PUS3: variants seen among roughly 807,000 people sequenced by gnomAD.
PUS3 encodes the protein tRNA pseudouridine(38/39) synthase.
PUS3 carries 36 observed loss-of-function variants against 43.3 expected under a neutral mutation model. The ratio of observed to expected loss-of-function variants is 0.83; its 90% CI spans 0.64 to 1.10. The LOEUF (loss-of-function observed/expected upper bound fraction) is 1.10, where lower values mean the gene tolerates loss of function less well. PUS3 is among the 50% of genes least tolerant of loss of function. The pLI is 0.00. For missense variants in PUS3, 544 were observed against 589.9 expected (o/e 0.92, Z 0.81); for synonymous variants, 183 against 199.2 (o/e 0.92, Z 0.69).
At chr11:125,895,847 T>C in intron 2 of PUS3, 58 bp from the exon 3 acceptor site, 1 of 1,586,146 alleles carries the variant, frequency 6.3e-7, no homozygotes, top group Non-Finnish European at 8.6e-7. Context: ...CAGTACTCAG[T>C]GTGTATACCT....
chr11:125,900,279 A>G (rs1234097821), intron 1 of PUS3: 1 of 1,613,330 alleles, frequency 6.2e-7, no homozygotes, highest in South Asian at 1.1e-5. Context: ...ATCTTTTTAA[A>G]CTTCTTTCAC....
chr11:125,896,781 AC>A (rs1354370305), intron 1 of PUS3, among the ~76,000 whole-genome samples: 3 of 152,188 alleles, frequency 2.0e-5, no homozygotes, highest in Non-Finnish European at 4.4e-5. Flanking sequence ...CAAATAAATG[AC>A]TTGTATGCTC....
rs1944481707 is a variant in PUS3, at chr11:125,893,775, T to C, written c.*10A>G. On this transcript the variant is annotated 3_prime_UTR_variant, in exon 4 of 4. Transcript: ENST00000227474. Reference sequence around the variant, plus strand: ...TAGGTGGTTCCTAGATCCTGGCAAATTGTCTATGGTTAAATGATGCTTTTA... The same window carrying C: ...TAGGTGGTTCCTAGATCCTGGCAAACTGTCTATGGTTAAATGATGCTTTTA... 8 of 1,582,464 alleles carry C rather than the reference T, an allele frequency of 5.1e-6. No homozygotes were observed. Among genetic ancestry groups the C allele is most frequent in the Non-Finnish European group, 6.9e-6 (8 of 1,163,218 alleles).
At chr11:125,900,595 T>G (rs1314001300) in intron 1 of PUS3, 2 of 337,706 alleles carry the variant, frequency 5.9e-6, no homozygotes, top group South Asian at 3.0e-5. Flanking sequence ...CAGTGTGTGT[T>G]TTTTAAGTTG....
At chr11:125,895,811 C>G in intron 2 of PUS3, 22 bp from the exon 3 acceptor site, 1 of 1,583,720 alleles carries the variant, frequency 6.3e-7, no homozygotes, top group South Asian at 1.2e-5. Flanking sequence ...GACAAAGATA[C>G]TGGGTTTTAG....
In PUS3 at chr11:125,893,870, T is replaced by C. The variant is rs201997946; in HGVS notation, c.1361A>G (p.Asn454Ser). 2.8e-5 allele frequency: 45 copies of C among 1,614,076 alleles called. No homozygotes were observed. The African/African-American group carries it at 5.5e-4, about 20-fold the overall frequency. The change falls in exon 4 of 4, where the codon AAT becomes AGT. Residue 454 changes from asparagine (N) to serine (S), a missense_variant. Asn to Ser is a conservative substitution (Grantham distance 46). Transcript: ENST00000227474. ...EEETKAKRDC[N>S]DTLEEENTNL... Reference sequence around the variant, plus strand: ...AGTATTCTCTTCCTCTAGTGTGTCATTACAGTCCCTTTTGGCTTTTGTTTC... The same window carrying C: ...AGTATTCTCTTCCTCTAGTGTGTCACTACAGTCCCTTTTGGCTTTTGTTTC...
chr11:125,897,390 A>G (rs1454071330), intron 1 of PUS3, among the ~76,000 whole-genome samples: 1 of 152,102 alleles, frequency 6.6e-6, no homozygotes, highest in African/African-American at 2.4e-5. Flanking sequence ...GATGTGACCT[A>G]AAAGGAAAAA....
intron 1 of PUS3, chr11:125,899,159 G>C: frequency 1.8e-6 from 1 of 566,662 alleles, no homozygotes; most frequent in Non-Finnish European, 3.1e-6. Flanking sequence ...ATGAAAGCAG[G>C]TAATAGATTC....
In PUS3 at chr11:125,895,656, T is replaced by C. The variant is rs1394251592; in HGVS notation, c.512A>G (p.Asp171Gly). 6.2e-7 allele frequency: 1 copy of C among 1,614,082 alleles called. No homozygotes were observed. Among genetic ancestry groups the C allele is most frequent in the Admixed American group, 1.7e-5 (1 of 60,004 alleles). Residue 171 changes from aspartate (D) to glycine (G), a missense_variant, in exon 3 of 4, where the codon GAC becomes GGC. Physicochemically the swap from Asp to Gly is moderately conservative, Grantham distance 94. Transcript: ENST00000227474. The part of the protein sequence containing the change: ...THILNRVLPP[D>G]IRILAWAPVE... ...AGGGGCCCAGGCCAATATACGGATG[T>C]CTGGAGGGAGTACCCGATTGAGAAT...
intron 1 of PUS3, chr11:125,900,382 A>ACTT: frequency 2.1e-6 from 2 of 967,176 alleles, no homozygotes; most frequent in Non-Finnish European, 3.2e-6. Flanking sequence ...TATGGTAAGG[A>ACTT]CTTCACCTAT....
chr11:125,896,448 C>T (rs1401006538), intron 1 of PUS3, 118 bp from the exon 2 acceptor site: 3 of 672,528 alleles, frequency 4.5e-6, no homozygotes, highest in East Asian at 5.5e-5. Flanking sequence ...TCCAGGAATA[C>T]AAGCATTAGC....
At chr11:125,900,723 G>A (rs566045) in intron 1 of PUS3, 121,628 of 197,586 alleles carry the variant, frequency 0.62, 37,779 homozygotes, top group South Asian at 0.71. Flanking sequence ...CTCAAAAGAA[G>A]GAACAAGCCG....
At chr11:125,901,866 GGAT>G (rs752993329) in intron 1 of PUS3, among the ~76,000 whole-genome samples, 1 of 152,172 alleles carries the variant, frequency 6.6e-6, no homozygotes, top group Non-Finnish European at 1.5e-5. Flanking sequence ...AAACTATACA[GGAT>G]GATCTCAGTA....
rs747881841 is a variant in PUS3, at chr11:125,894,200, T to C, written c.1031A>G (p.Asn344Ser). 3 of 1,613,974 alleles carry C rather than the reference T, an allele frequency of 1.9e-6. No individual in the cohort carries two copies. Among genetic ancestry groups the C allele is most frequent in the African/African-American group, 1.3e-5 (1 of 74,930 alleles). Residue 344 changes from asparagine (N) to serine (S), a missense_variant, in exon 4 of 4, where the codon AAT becomes AGT. Physicochemically the swap from Asn to Ser is conservative, Grantham distance 46 (BLOSUM62 1). Coordinates refer to ENST00000227474, the MANE Select transcript of PUS3 (RefSeq NM_031307.4). ...WIYDQEAQEF[N>S]ITHLQQLWAN... ...CCACAGTTGTTGTAGGTGGGTAATA[T>C]TGAACTCCTGAGCCTCCTGGTCATA...
Position 125,893,743 on chromosome 11 carries a change from C to A in PUS3, c.*42G>T. The A allele has an allele frequency of 6.8e-7, 1 of 1,462,996 alleles. No homozygotes were observed. The highest frequency in any genetic ancestry group is 9.1e-7 in the Non-Finnish European group (1 of 1,102,370). The allele number at this position is 1,462,996 out of a possible 1,614,324, so 90.6% of individuals were successfully genotyped here. ...TTTTTTTTTTTCCTTTTCTGTCCAC[C>A]TACCATTAGGTGGTTCCTAGATCCT... On this transcript the variant is annotated 3_prime_UTR_variant, in exon 4 of 4. Transcript: ENST00000227474.
At chr11:125,899,390 G>C in intron 1 of PUS3, 1 of 1,614,098 alleles carries the variant, frequency 6.2e-7, no homozygotes, top group Non-Finnish European at 8.5e-7. Context: ...TCTACCTGAT[G>C]GACAAATATG....
rs1944477896 is a variant in PUS3, at chr11:125,893,697, C to T, written c.*88G>A. On this transcript the variant is annotated 3_prime_UTR_variant, in exon 4 of 4. Transcript: ENST00000227474. ...CTTTTAAGAGCTGATCATCTGAATTCCTAGTACTTGCAAGTAAATTTTTTT... is the reference window on the plus strand; with the variant it reads ...CTTTTAAGAGCTGATCATCTGAATTTCTAGTACTTGCAAGTAAATTTTTTT... 3 of 1,042,078 alleles carry T rather than the reference C, an allele frequency of 2.9e-6. No individual in the cohort carries two copies. The highest frequency in any genetic ancestry group is 2.7e-5 in the Admixed American group (1 of 36,636). The allele number at this position is 1,042,078 out of a possible 1,614,324, so 64.6% of individuals were successfully genotyped here. A position where few individuals can be genotyped will look rare whatever the true frequency, so the allele number is the denominator to read the frequency against.
At chr11:125,902,554 A>G (rs999884921) in intron 1 of PUS3, among the ~76,000 whole-genome samples, 1 of 148,880 alleles carries the variant, frequency 6.7e-6, no homozygotes, top group Non-Finnish European at 1.5e-5. Flanking sequence ...TAGAGGCTGC[A>G]GTGAGCAGTG....
At chr11:125,899,144 T>C (rs1402106331) in intron 1 of PUS3, 1 of 538,494 alleles carries the variant, frequency 1.9e-6, no homozygotes, top group Non-Finnish European at 3.3e-6. Context: ...GGAGTAAGAG[T>C]GGAAATGAAA....
Sources: allele counts gnomAD v4.1 joint callset (sites outside exome capture counted in the v4.1 genomes callset), GRCh38; gene constraint gnomAD v4.1.1; transcripts MANE v1.5; gene names NCBI Gene and HGNC (gene_info 2026-07-23, HGNC 2026-07-21).